ITPR2: variants seen among roughly 807,000 people sequenced by gnomAD.
ITPR2 encodes the protein inositol 1,4,5-trisphosphate-gated calcium channel ITPR2.
ITPR2 carries 207 observed loss-of-function variants against 317.1 expected under a neutral mutation model. The observed-to-expected ratio is 0.65, with a 90% confidence interval of 0.58 to 0.73. The LOEUF is 0.73. ITPR2 is among the 30% of genes least tolerant of loss of function. ITPR2 has a pLI of 0.00. For synonymous variants in ITPR2, 1,156 were observed against 1,149.1 expected, an observed-to-expected ratio of 1.01 and a Z score of -0.12; for missense variants, 2,613 against 3,284.0, an observed-to-expected ratio of 0.80 and a Z score of 4.99.
intron 45 of ITPR2, among the ~76,000 whole-genome samples, chr12:26,460,467 G>T (rs981285185): frequency 6.6e-6 from 1 of 152,128 alleles, no homozygotes; most frequent in Admixed American, 6.5e-5. Flanking sequence ...TAACAGAAAC[G>T]AAATTAGTAA....
At chr12:26,544,278 G>A (rs568751115) in intron 37 of ITPR2, among the ~76,000 whole-genome samples, 1 of 151,976 alleles carries the variant, frequency 6.6e-6, no homozygotes, top group African/African-American at 2.4e-5. Flanking sequence ...AAGAAACATG[G>A]GTCAAGGAAG....
At chr12:26,609,629 TA>T (rs11375315) in intron 26 of ITPR2, among the ~76,000 whole-genome samples, 5 of 148,610 alleles carry the variant, frequency 3.4e-5, no homozygotes, top group Admixed American at 6.7e-5. Context: ...ATGGAAAAGT[TA>T]AAAAAAAAAG....
At chr12:26,676,113 G>A (rs541058608) in intron 13 of ITPR2, among the ~76,000 whole-genome samples, 25 of 151,222 alleles carry the variant, frequency 1.7e-4, no homozygotes, top group African/African-American at 4.6e-4. Context: ...AGCCAAGATC[G>A]TGCCACTGCA....
intron 23 of ITPR2, among the ~76,000 whole-genome samples, chr12:26,624,566 T>C (rs1591973993): frequency 6.6e-6 from 1 of 152,176 alleles, no homozygotes; most frequent in Non-Finnish European, 1.5e-5. Context: ...CAAACAGGTT[T>C]ATGAAAAGGT....
intron 2 of ITPR2, among the ~76,000 whole-genome samples, chr12:26,762,815 C>T (rs988055898): frequency 3.3e-5 from 5 of 151,866 alleles, no homozygotes; most frequent in Non-Finnish European, 5.9e-5. Context: ...GCATCAATAA[C>T]ATAAAATTAT....
At chr12:26,451,365 T>TCACACACACACA (rs57642539) in intron 45 of ITPR2, among the ~76,000 whole-genome samples, 3,420 of 136,322 alleles carry the variant, frequency 0.025, 158 homozygotes, top group African/African-American at 0.08. Context: ...TTCTCTCATA[T>TCACACACACACA]CACACACACA....
At chr12:26,661,509 C>T (rs1341277424) in intron 15 of ITPR2, among the ~76,000 whole-genome samples, 2 of 152,054 alleles carry the variant, frequency 1.3e-5, no homozygotes, top group Admixed American at 1.3e-4. Flanking sequence ...CCTGCCATCC[C>T]AAAGCACAGG....
intron 21 of ITPR2, among the ~76,000 whole-genome samples, chr12:26,651,977 A>G (rs1460871720): frequency 1.3e-5 from 2 of 152,124 alleles, no homozygotes; most frequent in African/African-American, 4.8e-5. Context: ...CCCTAGAAGC[A>G]CTGCTTTTCC....
intron 1 of ITPR2, among the ~76,000 whole-genome samples, chr12:26,797,799 C>T (rs1950479172): frequency 6.7e-6 from 1 of 148,812 alleles, no homozygotes; most frequent in South Asian, 2.2e-4. Flanking sequence ...TCACATGACT[C>T]TCCTGTCTCA....
chr12:26,829,530 C>A (rs1951066590), intron 1 of ITPR2, among the ~76,000 whole-genome samples: 1 of 152,204 alleles, frequency 6.6e-6, no homozygotes, highest in East Asian at 1.9e-4. Flanking sequence ...TTTGTACAGA[C>A]AGGGTCTCCG....
At chr12:26,452,298 A>T (rs1298058289) in intron 45 of ITPR2, among the ~76,000 whole-genome samples, 1 of 151,440 alleles carries the variant, frequency 6.6e-6, no homozygotes, top group African/African-American at 2.4e-5. Context: ...TTTTTAAAGA[A>T]TTTTTTTTTC....
chr12:26,709,845 A>G (rs1948615295), intron 9 of ITPR2, among the ~76,000 whole-genome samples: 1 of 152,242 alleles, frequency 6.6e-6, no homozygotes, highest in African/African-American at 2.4e-5. Context: ...TAAAACATTT[A>G]CGCTATAAAC....
chr12:26,401,226 C>A (rs2136652409), intron 52 of ITPR2, among the ~76,000 whole-genome samples: 1 of 150,874 alleles, frequency 6.6e-6, no homozygotes, highest in East Asian at 1.9e-4. Context: ...AAGACTCTGT[C>A]TTTAAAAAAA....
chr12:26,578,893 G>C, intron 33 of ITPR2, 60 bp from the exon 34 acceptor site: 1 of 1,486,668 alleles, frequency 6.7e-7, no homozygotes, highest in Non-Finnish European at 9.2e-7. Flanking sequence ...CCCTGATGTA[G>C]CATCTATGCA....
chr12:26,609,218 T>C (rs1946207860), intron 26 of ITPR2, among the ~76,000 whole-genome samples: 1 of 152,246 alleles, frequency 6.6e-6, no homozygotes, highest in South Asian at 2.1e-4. Context: ...CTGATTTGAA[T>C]GAATCAATCA....
At position 26,715,701 on chromosome 12, in the gene ITPR2, T is replaced by C. The variant is rs781147298; in HGVS notation, c.708+51A>G. ...ATAGGTTTTGCATCTAGAATTTCAG[T>C]AAGACTACCATCATTTCTCCCAGCA... On this transcript the variant is annotated intron_variant, in intron 7 of 56. Transcript: ENST00000381340. The C allele has an allele frequency of 2.5e-6, 3 of 1,202,894 alleles. No individual in the cohort carries two copies. The East Asian group carries it at 7.0e-5, about 28-fold the overall frequency. The allele number at this position is 1,202,894 out of a possible 1,614,324, so 74.5% of individuals were successfully genotyped here.
At chr12:26,706,664 C>A (rs1452385737) in intron 9 of ITPR2, among the ~76,000 whole-genome samples, 1 of 152,128 alleles carries the variant, frequency 6.6e-6, no homozygotes. Context: ...AAATGTATCA[C>A]ACTGTACTGG....
chr12:26,546,946 T>C (rs1474445856), intron 37 of ITPR2, among the ~76,000 whole-genome samples: 2 of 151,984 alleles, frequency 1.3e-5, no homozygotes, highest in Admixed American at 1.3e-4. Flanking sequence ...ACGATAAAAA[T>C]ACTGGAAGAA....
At chr12:26,487,319 T>C (rs1942695178) in intron 39 of ITPR2, 68 bp from the exon 40 acceptor site, 1 of 1,154,360 alleles carries the variant, frequency 8.7e-7, no homozygotes, top group Non-Finnish European at 1.2e-6. Context: ...ATGCTTGAAC[T>C]AAACATAAGC....
Sources: gnomAD v4.1 joint callset for allele counts (sites outside exome capture counted in the v4.1 genomes callset) on GRCh38, gnomAD v4.1.1 for gene constraint, MANE v1.5 for transcripts, NCBI Gene and HGNC (gene_info 2026-07-23, HGNC 2026-07-21) for gene names.